The following ATP2C2 variants were observed in gnomAD, a reference collection of about 807,000 sequenced individuals.
ATP2C2 encodes the protein ATPase secretory pathway Ca2+ transporting 2.
Under a neutral mutation model 110.8 loss-of-function variants are expected in ATP2C2, and 171 were observed. The ratio of observed to expected loss-of-function variants is 1.54; its 90% CI spans 1.36 to 1.75. The LOEUF (loss-of-function observed/expected upper bound fraction) is 1.75. Among genes scored for constraint, ATP2C2 ranks in the 40% most tolerant of loss-of-function variants. ATP2C2 has a pLI of 0.00. For synonymous variants in ATP2C2, 804 were observed against 508.4 expected (o/e 1.58, Z -7.82); for missense variants, 1,963 against 1,235.0 (o/e 1.59, Z -8.84).
At chr16:84,413,436 G>C (rs999617027) in intron 6 of ATP2C2, among the ~76,000 whole-genome samples, 4 of 152,172 alleles carry the variant, frequency 2.6e-5, no homozygotes, top group Non-Finnish European at 4.4e-5. Context: ...ATCACAGAGG[G>C]TGAGTCAATT....
intron 1 of ATP2C2, among the ~76,000 whole-genome samples, chr16:84,381,289 G>A (rs1363309158): frequency 2.6e-5 from 4 of 152,158 alleles, no homozygotes; most frequent in East Asian, 1.9e-4. Flanking sequence ...ATCAGTTAAG[G>A]CTATTTTTAC....
At chr16:84,402,706 G>A (rs1225109165) in intron 2 of ATP2C2, among the ~76,000 whole-genome samples, 2 of 152,200 alleles carry the variant, frequency 1.3e-5, no homozygotes, top group African/African-American at 2.4e-5. Context: ...GTATTTTGCT[G>A]AGGATTTTTG....
Position 84,460,699 on chromosome 16 carries a change from A to C in ATP2C2, c.2379A>C (p.Pro793=), listed in dbSNP as rs1911225316. 6.2e-7 allele frequency: 1 copy of C among 1,614,212 alleles called. No homozygotes were observed. The highest frequency in any genetic ancestry group is 8.5e-7 in the Non-Finnish European group (1 of 1,180,040). ...ACAAAGACGCCTTCAGGCAGCCACC[A>C]CGGAGTGTGCGGGACACCATCCTCA... The part of the protein sequence containing the change: ...PVDKDAFRQP[P]RSVRDTILSR... Residue 793 remains proline, a synonymous_variant, in exon 24 of 27, where the codon CCA becomes CCC. Coordinates refer to ENST00000262429, the MANE Select transcript of ATP2C2 (RefSeq NM_014861.4).
rs987616198 is a variant in ATP2C2 at position 84,459,055 on chromosome 16, C to T, written c.2148-65C>T. The T allele has an allele frequency of 6.4e-6, 10 of 1,562,978 alleles. 1 individual carries two copies. The highest frequency in any genetic ancestry group is 5.4e-5 in the African/African-American group (4 of 73,930). On this transcript the variant is annotated intron_variant, in intron 21 of 26. Transcript: ENST00000262429. Reference sequence around the variant, plus strand: ...GAGTCACCACTGCCCCTTGCAGCAACCGATGCACTGGTCCAGCCCTCACGC... The same window carrying T: ...GAGTCACCACTGCCCCTTGCAGCAATCGATGCACTGGTCCAGCCCTCACGC...
At chr16:84,385,555 C>T (rs1255695751) in intron 1 of ATP2C2, among the ~76,000 whole-genome samples, 4 of 152,190 alleles carry the variant, frequency 2.6e-5, no homozygotes, top group Non-Finnish European at 5.9e-5. Context: ...AGTAGGAATG[C>T]AAGGACTCTG....
chr16:84,405,276 C>T, intron 3 of ATP2C2, 32 bp downstream of exon 3: 1 of 1,560,588 alleles, frequency 6.4e-7, no homozygotes, highest in Non-Finnish European at 8.8e-7. Context: ...TTTGCATTAA[C>T]ATGCATAAGC....
At chr16:84,453,967 A>C (rs542037156) in intron 20 of ATP2C2, among the ~76,000 whole-genome samples, 1 of 152,148 alleles carries the variant, frequency 6.6e-6, no homozygotes, top group South Asian at 2.1e-4. Context: ...CAGTCTCCCC[A>C]AGTAGCTGGG....
intron 1 of ATP2C2, among the ~76,000 whole-genome samples, chr16:84,370,873 G>A (rs1909915502): frequency 6.6e-6 from 1 of 152,012 alleles, no homozygotes; most frequent in African/African-American, 2.4e-5. Context: ...AACTTGCTGT[G>A]TCTTCTCTTG....
At chr16:84,461,909 G>C in intron 25 of ATP2C2, 79 bp from the exon 26 acceptor site, 1 of 1,606,298 alleles carries the variant, frequency 6.2e-7, no homozygotes, top group Non-Finnish European at 8.5e-7. Context: ...CTCTGGCTCA[G>C]CGTGGGCAGT....
chr16:84,392,656 T>A (rs1045886188), intron 1 of ATP2C2, among the ~76,000 whole-genome samples: 2 of 152,200 alleles, frequency 1.3e-5, no homozygotes, highest in Non-Finnish European at 2.9e-5. Context: ...AGAGATGGGC[T>A]TTCACCATGT....
At chr16:84,402,092 G>T (rs1005476731) in intron 2 of ATP2C2, among the ~76,000 whole-genome samples, 9 of 151,572 alleles carry the variant, frequency 5.9e-5, no homozygotes, top group African/African-American at 2.2e-4. Context: ...TGTGGTAAAT[G>T]GGATTACTTA....
chr16:84,446,729 G>C (rs1909785819), intron 16 of ATP2C2, among the ~76,000 whole-genome samples: 1 of 152,132 alleles, frequency 6.6e-6, no homozygotes, highest in Non-Finnish European at 1.5e-5. Flanking sequence ...CTGAGTCGAA[G>C]GGTCCAGGGG....
intron 3 of ATP2C2, chr16:84,407,391 C>T (rs755144833): frequency 3.9e-4 from 60 of 152,536 alleles, no homozygotes; most frequent in Non-Finnish European, 6.3e-4. Context: ...TGGAGGGCGT[C>T]GCTGGAGGGC....
chr16:84,442,927 TG>T (rs1909405932), intron 15 of ATP2C2, among the ~76,000 whole-genome samples: 2 of 152,150 alleles, frequency 1.3e-5, no homozygotes, highest in African/African-American at 4.8e-5. Flanking sequence ...AACACGACCC[TG>T]TGCTCACCGA....
At chr16:84,462,390 C>T (rs1238146002) in intron 26 of ATP2C2, 3 of 410,372 alleles carry the variant, frequency 7.3e-6, no homozygotes, top group African/African-American at 5.9e-5. Context: ...ACCGGCATCC[C>T]AGGCGTCGGG....
chr16:84,436,577 A>G (rs547868040), intron 11 of ATP2C2, among the ~76,000 whole-genome samples: 27 of 152,148 alleles, frequency 1.8e-4, no homozygotes, highest in African/African-American at 6.0e-4. Context: ...CTAGTCCCCT[A>G]AATAGTCTCT....
At chr16:84,450,256 T>C (rs1910137326) in intron 17 of ATP2C2, among the ~76,000 whole-genome samples, 1 of 152,184 alleles carries the variant, frequency 6.6e-6, no homozygotes, top group South Asian at 2.1e-4. Context: ...CTGTGCGTTT[T>C]TCCAATCTGT....
chr16:84,452,406 C>T (rs1910369201), intron 18 of ATP2C2, among the ~76,000 whole-genome samples: 1 of 152,106 alleles, frequency 6.6e-6, no homozygotes, highest in African/African-American at 2.4e-5. Context: ...TGCCTTCTGC[C>T]TCTAGCTGTG....
intron 23 of ATP2C2, chr16:84,459,680 A>T: frequency 8.3e-7 from 1 of 1,210,564 alleles, no homozygotes; most frequent in Non-Finnish European, 1.2e-6. Flanking sequence ...TCCAGTCACC[A>T]GTCACTGCCT....
Sources: allele counts gnomAD v4.1 joint callset (sites outside exome capture counted in the v4.1 genomes callset), GRCh38; gene constraint gnomAD v4.1.1; transcripts MANE v1.5; gene names NCBI Gene and HGNC (gene_info 2026-07-23, HGNC 2026-07-21).